Variants in USP49 observed in about 807,000 individuals in gnomAD.
USP49 encodes ubiquitin carboxyl-terminal hydrolase 49.
A neutral mutation model predicts 58.6 loss-of-function variants in USP49; 24 were observed. That is an observed-to-expected ratio of 0.41 (90% CI 0.30 to 0.58). USP49 has a LOEUF of 0.58. Among genes scored for constraint, USP49 ranks in the 20% least tolerant of loss-of-function variants. The pLI, the probability that USP49 is intolerant of heterozygous loss-of-function variation, is 0.30. For missense variants in USP49, 703 were observed against 866.1 expected (o/e 0.81, Z 2.36); for synonymous variants, 408 against 365.1 (o/e 1.12, Z -1.34).
chr6:41,807,135 A>AT (rs1346599668), intron 3 of USP49, 124 bp from the exon 4 acceptor site: 11 of 1,058,944 alleles, frequency 1.0e-5, no homozygotes, highest in East Asian at 3.0e-5. Context: ...AGATTCATTC[A>AT]TTTTCAACTC....
rs1772843580 is a variant in USP49, at chr6:41,793,952, G to GT, written c.*2580dup. 1 of 152,194 alleles carries GT rather than the reference G, an allele frequency of 6.6e-6. No individual in the cohort carries two copies. The highest frequency in any genetic ancestry group is 1.5e-5 in the Non-Finnish European group (1 of 68,036). The allele number at this position is 152,194 out of a possible 1,614,324, so 9.4% of individuals were successfully genotyped here. On this transcript the variant is annotated 3_prime_UTR_variant, in exon 8 of 8. Transcript: ENST00000682992. ...GGTTTGATTTGGCAGCATCTAGTCA[G>GT]TTTTTACCTGGTTCTTATTTTCTTC...
intron 6 of USP49, 40 bp downstream of exon 6, chr6:41,799,790 C>T: frequency 1.3e-6 from 2 of 1,576,816 alleles, no homozygotes; most frequent in Non-Finnish European, 1.7e-6. Flanking sequence ...CAGCTATTCC[C>T]ACAGCTCTCA....
At chr6:41,812,150 G>C (rs867464795) in intron 3 of USP49, among the ~76,000 whole-genome samples, 1 of 151,626 alleles carries the variant, frequency 6.6e-6, no homozygotes, top group Non-Finnish European at 1.5e-5. Context: ...CGCAATCTAG[G>C]CTCACCACAA....
At chr6:41,821,189 C>T (rs1459323648) in intron 3 of USP49, among the ~76,000 whole-genome samples, 1 of 152,090 alleles carries the variant, frequency 6.6e-6, no homozygotes, top group Non-Finnish European at 1.5e-5. Context: ...AAAACACCTC[C>T]CACCTGATCC....
intron 2 of USP49, among the ~76,000 whole-genome samples, chr6:41,874,911 G>A (rs1774476057): frequency 6.6e-6 from 1 of 152,070 alleles, no homozygotes; most frequent in Non-Finnish European, 1.5e-5. Flanking sequence ...TGAGCTGTGC[G>A]TGATTGCACC....
intron 3 of USP49, among the ~76,000 whole-genome samples, chr6:41,866,744 A>G (rs1010409985): frequency 2.6e-5 from 4 of 151,712 alleles, no homozygotes; most frequent in Non-Finnish European, 2.9e-5. Flanking sequence ...CGTTCAGTCA[A>G]CTGCACATTA....
intron 2 of USP49, among the ~76,000 whole-genome samples, chr6:41,887,794 A>C (rs913734244): frequency 1.3e-5 from 2 of 152,208 alleles, no homozygotes; most frequent in Non-Finnish European, 2.9e-5. Context: ...GCTCAATAAA[A>C]GACAGAGAGA....
intron 3 of USP49, among the ~76,000 whole-genome samples, chr6:41,819,935 C>A (rs1479566999): frequency 6.6e-6 from 1 of 152,176 alleles, no homozygotes; most frequent in East Asian, 1.9e-4. Context: ...ATCACCAAAT[C>A]GAAATGTGGC....
intron 3 of USP49, among the ~76,000 whole-genome samples, chr6:41,821,426 C>T (rs1339990238): frequency 6.6e-6 from 1 of 152,176 alleles, no homozygotes; most frequent in Admixed American, 6.5e-5. Flanking sequence ...TTGAAATGCC[C>T]TTGCTTAGCC....
Position 41,794,131 on chromosome 6 carries a change from G to A in USP49, c.*2402C>T, listed in dbSNP as rs899262170. 2 of 152,164 alleles carry A rather than the reference G, an allele frequency of 1.3e-5. No homozygotes were observed. The highest frequency in any genetic ancestry group is 1.9e-4 in the East Asian group (1 of 5,200). 9.4% of individuals were successfully genotyped at this position (152,164 alleles called of 1,614,324 possible). On this transcript the variant is annotated 3_prime_UTR_variant, in exon 8 of 8. Coordinates refer to ENST00000682992, the MANE Select transcript of USP49 (RefSeq NM_001286554.2). ...AATAAAAATCTCCTTAAATACTAAC[G>A]TCCTAAGTGTCCAGTGCTGCCGCCT...
intron 3 of USP49, among the ~76,000 whole-genome samples, chr6:41,833,413 A>T (rs1168774403): frequency 4.6e-5 from 7 of 152,236 alleles, no homozygotes; most frequent in Middle Eastern, 6.8e-3. Flanking sequence ...GAATAAATAT[A>T]ATCAAATATT....
intron 3 of USP49, among the ~76,000 whole-genome samples, chr6:41,822,178 C>T (rs1197927073): frequency 1.3e-5 from 2 of 152,104 alleles, no homozygotes; most frequent in African/African-American, 4.8e-5. Context: ...CTTGAGAAGC[C>T]AAGAATTGCT....
intron 2 of USP49, among the ~76,000 whole-genome samples, chr6:41,877,352 T>C (rs1774520271): frequency 6.6e-6 from 1 of 151,788 alleles, no homozygotes; most frequent in Admixed American, 6.5e-5. Context: ...TTAGAAGTTA[T>C]TTATTAAAAT....
intron 2 of USP49, among the ~76,000 whole-genome samples, chr6:41,890,061 C>G (rs911283210): frequency 2.6e-5 from 4 of 152,154 alleles, no homozygotes; most frequent in Non-Finnish European, 5.9e-5. Context: ...ATGCTGGACA[C>G]CTAGTAAACA....
chr6:41,874,416 T>C (rs567938398), intron 2 of USP49, among the ~76,000 whole-genome samples: 1 of 152,324 alleles, frequency 6.6e-6, no homozygotes, highest in African/African-American at 2.4e-5. Context: ...ACTCTTATTC[T>C]GCCAAACAAT....
rs1179710945 is a variant in USP49 at position 41,803,796 on chromosome 6, C to T, written c.1561+10G>A. ...TCCCCACTACGCCCCCTCCTCCACA[C>T]AGCACTCACTGTTACACTGGTCACA... is the stretch of plus-strand genomic sequence containing the variant. On this transcript the variant is annotated intron_variant, in intron 5 of 7. Transcript: ENST00000682992. This position sits in a 1 kb window ranked among gnomAD's most constrained non-coding sequence, Gnocchi z 4.1. 5 of 1,614,012 alleles carry T rather than the reference C, an allele frequency of 3.1e-6. No homozygotes were observed. Among genetic ancestry groups the T allele is most frequent in the Non-Finnish European group, 4.2e-6 (5 of 1,179,878 alleles).
intron 3 of USP49, among the ~76,000 whole-genome samples, chr6:41,854,656 G>A (rs1435410211): frequency 6.6e-6 from 1 of 152,266 alleles, no homozygotes; most frequent in South Asian, 2.1e-4. Context: ...GTTTAGGTTG[G>A]TGTATATGTG....
intron 3 of USP49, among the ~76,000 whole-genome samples, chr6:41,848,096 G>A (rs1199587329): frequency 1.3e-5 from 2 of 152,044 alleles, no homozygotes; most frequent in Non-Finnish European, 2.9e-5. Flanking sequence ...AAACTCCAAA[G>A]AAGTAGTTTT....
intron 3 of USP49, among the ~76,000 whole-genome samples, chr6:41,871,287 T>G (rs1774408553): frequency 6.6e-6 from 1 of 152,198 alleles, no homozygotes; most frequent in Admixed American, 6.5e-5. Flanking sequence ...CCACCAAGTT[T>G]CAAGACCTAC....
Sources: gnomAD v4.1 joint callset for allele counts (sites outside exome capture counted in the v4.1 genomes callset) on GRCh38, gnomAD v4.1.1 for gene constraint, Gnocchi (gnomAD v3.1) non-coding constraint, MANE v1.5 for transcripts, NCBI Gene and HGNC (gene_info 2026-07-23, HGNC 2026-07-21) for gene names.